Variants in PLPP4 observed in about 807,000 individuals in gnomAD.
PLPP4 encodes the protein phospholipid phosphatase 4.
A neutral mutation model predicts 32.2 loss-of-function variants in PLPP4; 20 were observed. That is an observed-to-expected ratio of 0.62 (90% CI 0.44 to 0.90). The LOEUF (loss-of-function observed/expected upper bound fraction) is 0.90, where lower values mean the gene tolerates loss of function less well. PLPP4 is among the 40% of genes least tolerant of loss of function. The pLI is 0.00. For synonymous variants in PLPP4, 127 were observed against 133.0 expected, an observed-to-expected ratio of 0.95 and a Z score of 0.31; for missense variants, 257 against 353.1, an observed-to-expected ratio of 0.73 and a Z score of 2.18.
chr10:120,564,335 A>G (rs1427994741), intron 5 of PLPP4, among the ~76,000 whole-genome samples: 2 of 152,042 alleles, frequency 1.3e-5, no homozygotes, highest in African/African-American at 4.8e-5. Context: ...ATAGAGATCT[A>G]TACAGATAAC....
At chr10:120,471,776 C>G (rs546828196) in intron 1 of PLPP4, among the ~76,000 whole-genome samples, 68 of 152,052 alleles carry the variant, frequency 4.5e-4, no homozygotes, top group African/African-American at 1.4e-3. Flanking sequence ...AATCTATCAC[C>G]TTTTACTATT....
At position 120,589,438 on chromosome 10, in the gene PLPP4, A is replaced by T; in HGVS notation, c.752A>T (p.Glu251Val). Residue 251 changes from glutamate to valine, a missense_variant, in exon 7 of 7, where the codon GAG (glutamate) becomes GTG (valine). Coordinates refer to ENST00000398250, the MANE Select transcript of PLPP4 (RefSeq NM_001030059.3). ...LRVPASLKKEERPTADSAPSL... is the reference protein window; with the variant it reads ...LRVPASLKKEVRPTADSAPSL... ...GTCCCAGCCTCACTGAAGAAAGAGG[A>T]GAGGCCCACAGCTGACAGCGCACCC... The T allele has an allele frequency of 6.2e-7, 1 of 1,614,074 alleles. No individual in the cohort carries two copies. Among genetic ancestry groups the T allele is most frequent in the Non-Finnish European group, 8.5e-7 (1 of 1,179,958 alleles).
At chr10:120,458,773 A>G (rs979914731) in intron 1 of PLPP4, among the ~76,000 whole-genome samples, 4 of 152,238 alleles carry the variant, frequency 2.6e-5, no homozygotes, top group African/African-American at 9.6e-5. Flanking sequence ...TTTGGAATGT[A>G]CGTTAAAACT....
At chr10:120,560,233 A>G (rs1848360709) in intron 5 of PLPP4, among the ~76,000 whole-genome samples, 1 of 152,142 alleles carries the variant, frequency 6.6e-6, no homozygotes, top group African/African-American at 2.4e-5. Context: ...ATTACAAGGA[A>G]AAGTCAAACT....
intron 1 of PLPP4, among the ~76,000 whole-genome samples, chr10:120,483,380 T>A (rs1028235758): frequency 1.3e-5 from 2 of 152,194 alleles, no homozygotes; most frequent in African/African-American, 4.8e-5. Context: ...ACGTCTATCC[T>A]ATTAGTTCTG....
At chr10:120,563,143 T>A (rs1405893788) in intron 5 of PLPP4, among the ~76,000 whole-genome samples, 1 of 152,010 alleles carries the variant, frequency 6.6e-6, no homozygotes, top group Non-Finnish European at 1.5e-5. Flanking sequence ...AGAGGCTGAG[T>A]CAGGAGAATC....
intron 5 of PLPP4, among the ~76,000 whole-genome samples, chr10:120,528,797 G>GT (rs552703793): frequency 5.2e-4 from 79 of 152,046 alleles, no homozygotes; most frequent in African/African-American, 1.6e-3. Flanking sequence ...GTTTTGTTTT[G>GT]TTTTTTTATC....
intron 5 of PLPP4, among the ~76,000 whole-genome samples, chr10:120,549,399 G>A (rs182673004): frequency 2.0e-5 from 3 of 150,872 alleles, no homozygotes; most frequent in Admixed American, 1.3e-4. Flanking sequence ...CCAGGCCCAG[G>A]TGGTTTCACT....
rs764089130 is a variant in PLPP4 at position 120,575,203 on chromosome 10, G to A, written c.518G>A (p.Arg173Gln). Reference protein sequence around the residue: ...GKLHCFTESGRGKSWRLCAAI... With the variant: ...GKLHCFTESGQGKSWRLCAAI... Reference sequence around the variant, plus strand: ...CTGCACTGCTTCACCGAGAGTGGGCGGGGAAAGAGCTGGCGGCTCTGTGCT... The same window carrying A: ...CTGCACTGCTTCACCGAGAGTGGGCAGGGAAAGAGCTGGCGGCTCTGTGCT... The change falls in exon 6 of 7, where the codon CGG becomes CAG. Residue 173 changes from arginine (R) to glutamine (Q), a missense_variant. By Grantham distance (43) the Arg-to-Gln change is conservative. Transcript: ENST00000398250. 13 of 1,613,972 alleles carry A rather than the reference G, an allele frequency of 8.1e-6. No individual in the cohort carries two copies. Among genetic ancestry groups the A allele is most frequent in the South Asian group, 2.2e-5 (2 of 91,086 alleles).
intron 1 of PLPP4, among the ~76,000 whole-genome samples, chr10:120,469,353 A>G (rs1175188872): frequency 6.6e-6 from 1 of 151,184 alleles, no homozygotes; most frequent in Non-Finnish European, 1.5e-5. Flanking sequence ...TCAGCCTCCC[A>G]GGTAGCTGGG....
At chr10:120,476,436 G>A (rs1041635437) in intron 1 of PLPP4, among the ~76,000 whole-genome samples, 2 of 152,138 alleles carry the variant, frequency 1.3e-5, no homozygotes, top group Non-Finnish European at 2.9e-5. Context: ...TATAAATGGC[G>A]AAACTGATGC....
chr10:120,586,573 T>C (rs1479048375), intron 6 of PLPP4, among the ~76,000 whole-genome samples: 2 of 152,082 alleles, frequency 1.3e-5, no homozygotes, highest in East Asian at 1.9e-4. Context: ...ATGTTACTGA[T>C]GAGGTCATCA....
chr10:120,584,423 G>A (rs559164972), intron 6 of PLPP4, among the ~76,000 whole-genome samples: 51 of 152,182 alleles, frequency 3.4e-4, no homozygotes, highest in Non-Finnish European at 5.3e-4. Context: ...TGTCCCATTC[G>A]TTCAGCCTGT....
chr10:120,585,472 G>A (rs531052917), intron 6 of PLPP4, among the ~76,000 whole-genome samples: 2 of 152,276 alleles, frequency 1.3e-5, no homozygotes, highest in African/African-American at 4.8e-5. Flanking sequence ...GAAAGCCTCC[G>A]GCAGCTCTGA....
chr10:120,491,622 C>T lies in PLPP4; in HGVS notation c.57-12196C>T, dbSNP rs376734095. 2.0e-4 allele frequency among the ~76,000 whole-genome samples: 30 copies of T among 152,302 alleles called. No homozygotes were observed. In the East Asian group the frequency reaches 4.2e-3, roughly 22 times the overall value. On this transcript the variant is annotated intron_variant, in intron 1 of 6. Coordinates refer to ENST00000398250, the MANE Select transcript of PLPP4 (RefSeq NM_001030059.3). ...GGTAAAACACCTAATTTTGTAGCAT[C>T]TCAATGGCCAATGGGCAAAGTTGTT... is the stretch of plus-strand genomic sequence containing the variant.
intron 1 of PLPP4, among the ~76,000 whole-genome samples, chr10:120,466,611 C>G (rs1230892272): frequency 1.3e-5 from 2 of 152,136 alleles, no homozygotes; most frequent in East Asian, 1.9e-4. Flanking sequence ...ATGAACAGTG[C>G]ACATTTCTTT....
chr10:120,563,021 C>T (rs1848504752), intron 5 of PLPP4, among the ~76,000 whole-genome samples: 1 of 151,764 alleles, frequency 6.6e-6, no homozygotes, highest in Non-Finnish European at 1.5e-5. Context: ...GGGTGGATCA[C>T]CTGAGGTCAG....
chr10:120,516,027 C>T (rs1032984713), intron 3 of PLPP4, among the ~76,000 whole-genome samples: 2 of 152,126 alleles, frequency 1.3e-5, no homozygotes, highest in East Asian at 1.9e-4. Flanking sequence ...GTCTCCTATA[C>T]GTTAACAGAG....
intron 1 of PLPP4, among the ~76,000 whole-genome samples, chr10:120,469,368 C>A (rs1264427614): frequency 1.3e-5 from 2 of 151,912 alleles, no homozygotes; most frequent in Non-Finnish European, 2.9e-5. Context: ...GCTGGGACTA[C>A]AGGCGCCCGC....
Sources: gnomAD v4.1 joint callset for allele counts (sites outside exome capture counted in the v4.1 genomes callset) on GRCh38, gnomAD v4.1.1 for gene constraint, MANE v1.5 for transcripts, NCBI Gene and HGNC (gene_info 2026-07-23, HGNC 2026-07-21) for gene names.